The following EYS variants were observed in gnomAD, a reference collection of about 807,000 sequenced individuals.
EYS encodes protein eyes shut homolog.
A neutral mutation model predicts 282.1 loss-of-function variants in EYS; 250 were observed. The observed-to-expected ratio is 0.89, with a 90% CI of 0.80 to 0.98. The LOEUF (loss-of-function observed/expected upper bound fraction) is 0.98. Ranked by LOEUF, EYS falls within the 50% of genes least tolerant of loss-of-function variation. EYS has a pLI of 0.00. For synonymous variants in EYS, 1,355 were observed against 1,282.9 expected, an observed-to-expected ratio of 1.06 and a Z score of -1.20; for missense variants, 4,016 against 3,709.0, an observed-to-expected ratio of 1.08 and a Z score of -2.15.
intron 1 of EYS, among the ~76,000 whole-genome samples, chr6:65,706,097 T>C (rs1769867696): frequency 2.6e-5 from 4 of 151,704 alleles, no homozygotes; most frequent in African/African-American, 7.2e-5. Context: ...CATGCTTCAA[T>C]ATTCATTTCA....
chr6:65,499,191 C>T (rs373061921), intron 2 of EYS, among the ~76,000 whole-genome samples: 113 of 151,994 alleles, frequency 7.4e-4, no homozygotes, highest in African/African-American at 2.7e-3. Flanking sequence ...GTTAAGAAAA[C>T]ATGAACAATA....
intron 2 of EYS, among the ~76,000 whole-genome samples, chr6:65,592,466 A>G (rs1032919201): frequency 6.6e-6 from 1 of 152,032 alleles, no homozygotes; most frequent in Non-Finnish European, 1.5e-5. Context: ...CTTGAAATAA[A>G]TAAACAACTG....
intron 26 of EYS, among the ~76,000 whole-genome samples, chr6:64,447,855 C>T (rs1775168616): frequency 6.6e-6 from 1 of 152,178 alleles, no homozygotes; most frequent in Non-Finnish European, 1.5e-5. Context: ...AGCAAAACAT[C>T]TATAATCATA....
At chr6:64,463,225 A>G (rs546382048) in intron 26 of EYS, among the ~76,000 whole-genome samples, 1 of 152,268 alleles carries the variant, frequency 6.6e-6, no homozygotes, top group African/African-American at 2.4e-5. Context: ...TGCTGGGATT[A>G]CAGGCGTGAG....
At chr6:64,040,114 C>G (rs1770316700) in intron 33 of EYS, among the ~76,000 whole-genome samples, 2 of 152,154 alleles carry the variant, frequency 1.3e-5, no homozygotes, top group South Asian at 4.1e-4. Context: ...AAAACGTTTT[C>G]AGTTCTTTTG....
At chr6:63,859,804 C>T (rs1031001903) in intron 36 of EYS, among the ~76,000 whole-genome samples, 8 of 152,096 alleles carry the variant, frequency 5.3e-5, no homozygotes, top group Non-Finnish European at 7.3e-5. Flanking sequence ...ATCACTGCCA[C>T]GATTACCCCT....
At chr6:64,078,356 AT>A (rs1417191061) in intron 32 of EYS, among the ~76,000 whole-genome samples, 2 of 152,034 alleles carry the variant, frequency 1.3e-5, no homozygotes, top group East Asian at 3.9e-4. Flanking sequence ...TAATATACTG[AT>A]TTCAAAGTAA....
At chr6:64,101,662 C>T (rs1488708967) in intron 31 of EYS, among the ~76,000 whole-genome samples, 1 of 151,392 alleles carries the variant, frequency 6.6e-6, no homozygotes, top group Non-Finnish European at 1.5e-5. Context: ...TTTTTTGGCA[C>T]CAGAGACTAG....
intron 5 of EYS, among the ~76,000 whole-genome samples, chr6:65,473,443 C>G (rs1765288555): frequency 6.6e-6 from 1 of 151,888 alleles, no homozygotes; most frequent in South Asian, 2.1e-4. Context: ...AGTGCTGAGA[C>G]TAGAGGCCAC....
intron 36 of EYS, among the ~76,000 whole-genome samples, chr6:63,835,665 CAAAT>C (rs530377166): frequency 1.4e-4 from 21 of 152,010 alleles, no homozygotes; most frequent in African/African-American, 4.3e-4. Context: ...CAAAATCTCA[CAAAT>C]AACCACTAAA....
intron 12 of EYS, among the ~76,000 whole-genome samples, chr6:65,291,911 G>C (rs146565877): frequency 1.4e-3 from 214 of 151,670 alleles, no homozygotes; most frequent in Non-Finnish European, 2.4e-3. Flanking sequence ...TGAGCTTGAC[G>C]TGATCCTACA....
intron 14 of EYS, among the ~76,000 whole-genome samples, chr6:64,965,306 A>G (rs1050294599): frequency 3.3e-5 from 5 of 152,082 alleles, no homozygotes; most frequent in Non-Finnish European, 5.9e-5. Flanking sequence ...CCATATAGGA[A>G]GATCATAGTA....
intron 24 of EYS, among the ~76,000 whole-genome samples, chr6:64,600,590 T>C (rs919674352): frequency 1.3e-5 from 2 of 152,114 alleles, no homozygotes; most frequent in African/African-American, 4.8e-5. Flanking sequence ...GTAGGGTTCA[T>C]GATAATAATT....
At chr6:64,826,931 C>T (rs756487052) in intron 19 of EYS, among the ~76,000 whole-genome samples, 2 of 151,604 alleles carry the variant, frequency 1.3e-5, no homozygotes, top group Non-Finnish European at 3.0e-5. Flanking sequence ...TAGCCTAAAA[C>T]CAAATTCTCT....
rs1350983676 is a variant in EYS at position 64,306,998 on chromosome 6, C to T, written c.6163G>A (p.Val2055Met). ...NWRSFIPSKA[V>M]KNYHINNCRS... ...CAATTGTTAATGTGATAGTTTTTCA[C>T]TGCCTTGGATGGAATGAAAGATCTC... is the stretch of plus-strand genomic sequence containing the variant. Residue 2055 changes from valine (V) to methionine (M), a missense_variant, in exon 30 of 43, where the codon GTG (valine) becomes ATG (methionine). Transcript: ENST00000503581. 2.6e-6 allele frequency: 4 copies of T among 1,535,738 alleles called. No homozygotes were observed. Among genetic ancestry groups the T allele is most frequent in the African/African-American group, 1.4e-5 (1 of 72,560 alleles).
At chr6:65,667,712 G>A (rs1768248555) in intron 1 of EYS, among the ~76,000 whole-genome samples, 1 of 151,702 alleles carries the variant, frequency 6.6e-6, no homozygotes, top group African/African-American at 2.4e-5. Context: ...AGCTCCTTGA[G>A]ACCAAAGATT....
intron 5 of EYS, among the ~76,000 whole-genome samples, chr6:65,421,128 T>G (rs1247137078): frequency 6.6e-6 from 1 of 151,910 alleles, no homozygotes. Context: ...AAAGTCAGCA[T>G]TGACTTTTCC....
intron 12 of EYS, among the ~76,000 whole-genome samples, chr6:65,181,659 A>G (rs971227526): frequency 6.6e-6 from 1 of 152,160 alleles, no homozygotes; most frequent in Non-Finnish European, 1.5e-5. Context: ...GCGATTCCTT[A>G]GGGATCTAGA....
At chr6:64,893,673 A>T (rs956505722) in intron 18 of EYS, among the ~76,000 whole-genome samples, 1 of 152,018 alleles carries the variant, frequency 6.6e-6, no homozygotes, top group Non-Finnish European at 1.5e-5. Flanking sequence ...TACACCAGGT[A>T]ATTTTCTAAG....
Sources: gnomAD v4.1 joint callset for allele counts (sites outside exome capture counted in the v4.1 genomes callset) on GRCh38, gnomAD v4.1.1 for gene constraint, MANE v1.5 for transcripts, NCBI Gene and HGNC (gene_info 2026-07-23, HGNC 2026-07-21) for gene names.